KIF26B: variants seen among roughly 807,000 people sequenced by gnomAD.
The protein encoded by KIF26B is kinesin family member 26B.
A neutral mutation model predicts 151.2 loss-of-function variants in KIF26B; 63 were observed. That is an observed-to-expected ratio of 0.42 (90% CI 0.34 to 0.51). The LOEUF (loss-of-function observed/expected upper bound fraction) is 0.51. KIF26B is among the 20% of genes least tolerant of loss of function. The pLI, the probability that KIF26B is intolerant of heterozygous loss-of-function variation, is 0.07. For missense variants in KIF26B, 2,813 were observed against 2,913.6 expected, an observed-to-expected ratio of 0.97 and a Z score of 0.79; for synonymous variants, 1,357 against 1,262.1, an observed-to-expected ratio of 1.08 and a Z score of -1.59.
intron 3 of KIF26B, among the ~76,000 whole-genome samples, chr1:245,401,801 C>T (rs1340398627): frequency 1.3e-5 from 2 of 152,070 alleles, no homozygotes; most frequent in African/African-American, 2.4e-5. Flanking sequence ...ACTCGGGAGG[C>T]GGAGGTTGCA....
rs184550850 is a variant in KIF26B, at chr1:245,311,170, C to T, written c.466-55664C>T. ...CTCGCCTGTCTCTGGTTTTTCTCACCGCCTGATTGTTCCTTTCAGATGACC... is the reference window on the plus strand; with the variant it reads ...CTCGCCTGTCTCTGGTTTTTCTCACTGCCTGATTGTTCCTTTCAGATGACC... On this transcript the variant is annotated intron_variant, in intron 2 of 14. Coordinates refer to ENST00000407071, the MANE Select transcript of KIF26B (RefSeq NM_018012.4). 1.4e-4 allele frequency among the ~76,000 whole-genome samples: 21 copies of T among 152,152 alleles called. No homozygotes were observed. In the East Asian group the frequency reaches 3.1e-3, roughly 22 times the overall value.
intron 4 of KIF26B, among the ~76,000 whole-genome samples, chr1:245,525,634 T>C (rs1410196146): frequency 1.3e-5 from 2 of 152,240 alleles, no homozygotes; most frequent in African/African-American, 4.8e-5. Flanking sequence ...TGATTGATTA[T>C]ATAACATGAG....
intron 4 of KIF26B, among the ~76,000 whole-genome samples, chr1:245,422,645 T>C (rs1310968029): frequency 1.3e-5 from 2 of 152,192 alleles, no homozygotes; most frequent in African/African-American, 4.8e-5. Flanking sequence ...TCTGTCCTCA[T>C]AGGGGTTTGG....
intron 10 of KIF26B, chr1:245,673,793 A>C (rs2044324659): frequency 6.6e-6 from 1 of 152,266 alleles, no homozygotes; most frequent in South Asian, 2.1e-4. Flanking sequence ...TGAAGCGGCA[A>C]GCCGGGAGGA....
chr1:245,705,808 G>A lies in KIF26B; in HGVS notation c.*3202G>A, dbSNP rs924924836. 7 of 152,146 alleles carry A rather than the reference G, an allele frequency of 4.6e-5. No homozygotes were observed. The highest frequency in any genetic ancestry group is 4.8e-5 in the African/African-American group (2 of 41,420). 9.4% of individuals were successfully genotyped at this position (152,146 alleles called of 1,614,324 possible). A position where few individuals can be genotyped will look rare whatever the true frequency, so the allele number is the denominator to read the frequency against. ...AGGAGCGAGAGTTTGCTTTATCATGGGCTTTCAGTTCCCACCTGCGAGCTG... is the reference window on the plus strand; with the variant it reads ...AGGAGCGAGAGTTTGCTTTATCATGAGCTTTCAGTTCCCACCTGCGAGCTG... On this transcript the variant is annotated 3_prime_UTR_variant, in exon 15 of 15. Coordinates refer to ENST00000407071, the MANE Select transcript of KIF26B (RefSeq NM_018012.4).
At chr1:245,183,816 C>T (rs1668946975) in intron 2 of KIF26B, among the ~76,000 whole-genome samples, 1 of 151,972 alleles carries the variant, frequency 6.6e-6, no homozygotes, top group South Asian at 2.1e-4. Flanking sequence ...GCAAATTAAG[C>T]ATCAGAGAAA....
chr1:245,697,556 G>A (rs2044710936), intron 12 of KIF26B, among the ~76,000 whole-genome samples: 1 of 152,138 alleles, frequency 6.6e-6, no homozygotes, highest in Non-Finnish European at 1.5e-5. Context: ...TTTACAGGTG[G>A]AAACTAGGAG....
chr1:245,219,675 T>C (rs1669724543), intron 2 of KIF26B, among the ~76,000 whole-genome samples: 2 of 152,084 alleles, frequency 1.3e-5, no homozygotes, highest in Admixed American at 1.3e-4. Context: ...TCAAGGCTGC[T>C]GTGAGCTGTG....
chr1:245,222,196 G>T (rs1428995081), intron 2 of KIF26B, among the ~76,000 whole-genome samples: 1 of 152,180 alleles, frequency 6.6e-6, no homozygotes, highest in African/African-American at 2.4e-5. Context: ...CCAGCACTTT[G>T]GGGGCTGAGG....
intron 5 of KIF26B, among the ~76,000 whole-genome samples, chr1:245,546,734 A>G (rs1661749917): frequency 6.6e-6 from 1 of 152,158 alleles, no homozygotes; most frequent in Non-Finnish European, 1.5e-5. Flanking sequence ...GTTCTCTTTT[A>G]TTTTGGTTCA....
At position 245,686,379 on chromosome 1, in the gene KIF26B, C is replaced by T; in HGVS notation, c.3396C>T (p.Ser1132=). 1.9e-6 allele frequency: 3 copies of T among 1,613,426 alleles called. 1 individual carries two copies. The highest frequency in any genetic ancestry group is 3.3e-4 in the Middle Eastern group (2 of 6,062). Residue 1132 remains serine, a synonymous_variant, in exon 12 of 15, where the codon AGC becomes AGT. Transcript: ENST00000407071. This position sits in a 1 kb window ranked among gnomAD's most constrained non-coding sequence, Gnocchi z 5.6. ...TGCGTACGCCCCCGGTTGGAATGAGCCCCCAGGTTTTGAAAAAATCCATGT... is the reference window on the plus strand; with the variant it reads ...TGCGTACGCCCCCGGTTGGAATGAGTCCCCAGGTTTTGAAAAAATCCATGT... ...PEVRTPPVGM[S]PQVLKKSMSA...
intron 3 of KIF26B, among the ~76,000 whole-genome samples, chr1:245,379,348 A>G (rs952495042): frequency 1.3e-5 from 2 of 152,246 alleles, no homozygotes; most frequent in Admixed American, 6.5e-5. Flanking sequence ...GAAAGCAGCA[A>G]ATAGATTCGA....
rs869238168 is a variant in KIF26B at position 245,569,927 on chromosome 1, ATTTTTTTTTTTTTT to A, written c.1350+28990_1350+29003del. Among the ~76,000 whole-genome samples the A allele has an allele frequency of 8.4e-5, 4 of 47,666 alleles. No individual in the cohort carries two copies. In the East Asian group the frequency reaches 3.7e-3, roughly 44 times the overall value. The allele number at this position is 47,666 out of a possible 152,430, so 31.3% of individuals were successfully genotyped here. A position where few individuals can be genotyped will look rare whatever the true frequency, so the allele number is the denominator to read the frequency against. On this transcript the variant is annotated intron_variant, in intron 5 of 14. Coordinates refer to ENST00000407071, the MANE Select transcript of KIF26B (RefSeq NM_018012.4). ...GGGAAACCTACGTTGTAAATAGAGA[ATTTTTTTTTTTTTT>A]TTTTTTTTTTTTGAGACGGAGTCTT...
At chr1:245,578,504 C>G (rs1362060148) in intron 5 of KIF26B, among the ~76,000 whole-genome samples, 1 of 152,226 alleles carries the variant, frequency 6.6e-6, no homozygotes, top group Non-Finnish European at 1.5e-5. Flanking sequence ...CTGTAGAGGA[C>G]ACACACAGCA....
At chr1:245,509,674 A>G (rs554236586) in intron 4 of KIF26B, among the ~76,000 whole-genome samples, 2 of 152,316 alleles carry the variant, frequency 1.3e-5, no homozygotes, top group East Asian at 3.9e-4. Flanking sequence ...CAGCTCAATC[A>G]GAATCTTTGG....
intron 2 of KIF26B, among the ~76,000 whole-genome samples, chr1:245,270,588 GTCCTT>G (rs1430274614): frequency 6.6e-6 from 1 of 151,976 alleles, no homozygotes; most frequent in Non-Finnish European, 1.5e-5. Flanking sequence ...GTCTATTTAG[GTCCTT>G]TCCTTTATGT....
At chr1:245,626,402 G>GTTTTT (rs34420692) in intron 9 of KIF26B, among the ~76,000 whole-genome samples, 1 of 148,662 alleles carries the variant, frequency 6.7e-6, no homozygotes, top group Non-Finnish European at 1.5e-5. Flanking sequence ...TTCATGGTGG[G>GTTTTT]TTTTTTTTTT....
chr1:245,497,200 A>G (rs536563131), intron 4 of KIF26B, among the ~76,000 whole-genome samples: 3 of 152,152 alleles, frequency 2.0e-5, no homozygotes, highest in Admixed American at 1.3e-4. Flanking sequence ...ATTAATGTTA[A>G]ATAGCCAAAA....
intron 2 of KIF26B, among the ~76,000 whole-genome samples, chr1:245,333,261 G>A (rs1372071403): frequency 6.6e-6 from 1 of 152,208 alleles, no homozygotes; most frequent in Non-Finnish European, 1.5e-5. Context: ...TGTTTCAGCC[G>A]TAAAAAGGAA....
Sources: gnomAD v4.1 joint callset for allele counts (sites outside exome capture counted in the v4.1 genomes callset) on GRCh38, gnomAD v4.1.1 for gene constraint, Gnocchi (gnomAD v3.1) non-coding constraint, MANE v1.5 for transcripts, NCBI Gene and HGNC (gene_info 2026-07-23, HGNC 2026-07-21) for gene names.